Variants in EPPK1 observed in about 807,000 individuals in gnomAD.
The protein encoded by EPPK1 is epiplakin.
For missense variants in EPPK1, 3,823 were observed against 3,673.3 expected (o/e 1.04, Z -1.05); for synonymous variants, 1,862 against 1,721.2 (o/e 1.08, Z -2.03).
rs782770983 is a variant in EPPK1, at chr8:143,872,726, G to C, written c.528C>G (p.His176Gln). The change falls in exon 2 of 2, where the codon CAC becomes CAG. Residue 176 changes from histidine (H) to glutamine (Q), a missense_variant. Coordinates refer to ENST00000615648, the MANE Select transcript of EPPK1 (RefSeq NM_031308.4). ...GVLVAPEPAC[H>Q]QGLLDRETWH... The stretch of plus-strand genomic sequence containing the variant: ...ATGTCTCCCGGTCCAGGAGGCCCTG[G>C]TGGCAGGCTGGCTCAGGGGCCACGA... The C allele has an allele frequency of 9.4e-6, 15 of 1,593,636 alleles. No homozygotes were observed. Among genetic ancestry groups the C allele is most frequent in the Non-Finnish European group, 1.3e-5 (15 of 1,168,406 alleles).
Position 143,867,309 on chromosome 8 carries a change from G to A in EPPK1, c.5945C>T (p.Ala1982Val), listed in dbSNP as rs1554659408. The A allele has an allele frequency of 3.7e-6, 6 of 1,612,610 alleles. No individual in the cohort carries two copies. The highest frequency in any genetic ancestry group is 5.1e-6 in the Non-Finnish European group (6 of 1,179,750). ...ERAATGYRDP[A>V]TGDTIPLFQA... ...GAACAGCGGGATCGTGTCTCCTGTGGCCGGATCCCTGTAGCCCGTGGCAGC... is the reference window on the plus strand; with the variant it reads ...GAACAGCGGGATCGTGTCTCCTGTGACCGGATCCCTGTAGCCCGTGGCAGC... The change falls in exon 2 of 2, where the codon GCC (alanine) becomes GTC (valine). Residue 1982 changes from alanine to valine, a missense_variant. Transcript: ENST00000615648.
In EPPK1 at chr8:143,871,030, C is replaced by T. The variant is rs373803232; in HGVS notation, c.2224G>A (p.Val742Met). The change falls in exon 2 of 2, where the codon GTG becomes ATG. Residue 742 changes from valine to methionine, a missense_variant. Transcript: ENST00000615648. ...PVHSHRVPVD[V>M]AYRRGYFDQM... ...TCGAAGTAGCCGCGCCGGTAGGCCA[C>T]GTCCACGGGCACGCGGTGGCTGTGC... The T allele has an allele frequency of 2.7e-5, 43 of 1,613,048 alleles. 1 individual carries two copies. The African/African-American group carries it at 4.3e-4, about 16-fold the overall frequency.
chr8:143,876,188 G>C (rs1454210428), intron 1 of EPPK1, among the ~76,000 whole-genome samples: 1 of 152,190 alleles, frequency 6.6e-6, no homozygotes, highest in Non-Finnish European at 1.5e-5. Flanking sequence ...GCACCACAGG[G>C]GCAGACAGGG....
At position 143,869,664 on chromosome 8, in the gene EPPK1, G is replaced by A. The variant is rs782085554; in HGVS notation, c.3590C>T (p.Pro1197Leu). The change falls in exon 2 of 2, where the codon CCC becomes CTC. Residue 1197 changes from proline to leucine, a missense_variant. Coordinates refer to ENST00000615648, the MANE Select transcript of EPPK1 (RefSeq NM_031308.4). The part of the protein sequence containing the change: ...KLLAQARVMV[P>L]GPRGEVPAVW... ...AGCGGGTACCTCACCCCGTGGGCCGGGCACCATGACGCGGGCCTGGGCCAG... is the reference window on the plus strand; with the variant it reads ...AGCGGGTACCTCACCCCGTGGGCCGAGCACCATGACGCGGGCCTGGGCCAG... The A allele has an allele frequency of 1.3e-6, 2 of 1,596,484 alleles. No individual in the cohort carries two copies. The highest frequency in any genetic ancestry group is 3.5e-5 in the Admixed American group (2 of 57,568).
In EPPK1 at chr8:143,871,920, C is replaced by T; in HGVS notation, c.1334G>A (p.Gly445Asp). The change falls in exon 2 of 2, where the codon GGC becomes GAC. Residue 445 changes from glycine (G) to aspartate (D), a missense_variant. By Grantham distance (94) the Gly-to-Asp change is moderately conservative. Coordinates refer to ENST00000615648, the MANE Select transcript of EPPK1 (RefSeq NM_031308.4). ...AGSFSDGTHG[G>D]LRYEQLLALC... ...GGCCAGCAGCTGTTCATAGCGCAGG[C>T]CGCCGTGCGTGCCGTCTGAGAAGCT... is the stretch of plus-strand genomic sequence containing the variant. 1 of 1,605,470 alleles carries T rather than the reference C, an allele frequency of 6.2e-7. No homozygotes were observed.
rs1554660716 is a variant in EPPK1 at position 143,870,304 on chromosome 8, C to A, written c.2950G>T (p.Val984Leu). The A allele has an allele frequency of 6.3e-7, 1 of 1,578,244 alleles. No homozygotes were observed. The highest frequency in any genetic ancestry group is 8.6e-7 in the Non-Finnish European group (1 of 1,168,234). The change falls in exon 2 of 2, where the codon GTG (valine) becomes TTG (leucine). Residue 984 changes from valine to leucine, a missense_variant. Val to Leu is a conservative substitution (Grantham distance 32). Transcript: ENST00000615648. The surrounding 1 kb of genome is among the most constrained non-coding windows in gnomAD (Gnocchi z 5.2). ...MDPHSPESLSVDEAVRRGVVG... is the reference protein window; with the variant it reads ...MDPHSPESLSLDEAVRRGVVG... The stretch of plus-strand genomic sequence containing the variant: ...ACACCCCTGCGCACGGCCTCATCCA[C>A]CGAGAGGCTCTCTGGGCTGTGAGGG...
rs1563881121 is a variant in EPPK1 at position 143,867,863 on chromosome 8, C to T, written c.5391G>A (p.Trp1797Ter). The stretch of plus-strand genomic sequence containing the variant: ...TGAAGTATGGAGAGGACAGCAGGTC[C>T]CAGAAAGAGACCACCTGGTCAGCAA... ...GRFADQVVSF[W>*]DLLSSPYFTE... The change falls in exon 2 of 2, where the codon TGG (tryptophan) becomes TGA (stop). Residue 1797 changes from tryptophan (W) to a stop codon, truncating the protein, a stop_gained. Coordinates refer to ENST00000615648, the MANE Select transcript of EPPK1 (RefSeq NM_031308.4). LOFTEE classifies it low-confidence loss of function (END_TRUNC). The T allele has an allele frequency of 6.2e-7, 1 of 1,613,128 alleles. No individual in the cohort carries two copies. Among genetic ancestry groups the T allele is most frequent in the Non-Finnish European group, 8.5e-7 (1 of 1,179,572 alleles).
intron 1 of EPPK1, 34 bp downstream of exon 1, chr8:143,878,404 G>GCCCGCACCCGCCGCACCCGC (rs1457228950): frequency 5.9e-5 from 4 of 67,422 alleles, no homozygotes; most frequent in African/African-American, 2.4e-4. Context: ...GCCCGCACCC[G>GCCCGCACCCGCCGCACCCGC]CCGCACCCGC....
At position 143,878,395 on chromosome 8, in the gene EPPK1, C is replaced by CCGCACCCGCCGCACCCG. The variant is rs1554662602; in HGVS notation, c.-46+42_-46+43insCGGGTGCGGCGGGTGCG. ...CACCTGCCCGCACCCGCCGCACCTG[C>CCGCACCCGCCGCACCCG]CCGCACCCGCCGCACCCGCCGCACC... On this transcript the variant is annotated intron_variant, in intron 1 of 1. Coordinates refer to ENST00000615648, the MANE Select transcript of EPPK1 (RefSeq NM_031308.4). The CCGCACCCGCCGCACCCG allele has an allele frequency of 7.2e-5, 6 of 82,876 alleles. 1 individual carries two copies. Among genetic ancestry groups the CCGCACCCGCCGCACCCG allele is most frequent in the African/African-American group, 4.0e-4 (6 of 14,880 alleles). 5.1% of individuals were successfully genotyped at this position (82,876 alleles called of 1,614,324 possible).
At position 143,868,505 on chromosome 8, in the gene EPPK1, C is replaced by T. The variant is rs782266342; in HGVS notation, c.4749G>A (p.Glu1583=). 1.6e-5 allele frequency: 26 copies of T among 1,609,896 alleles called. No homozygotes were observed. The highest frequency in any genetic ancestry group is 2.1e-5 in the Non-Finnish European group (25 of 1,178,776). The stretch of plus-strand genomic sequence containing the variant: ...TCAGGGCCTCTGGGATGCTCATCCT[C>T]TCCTGGGTGCCCTGGATAAGGACCC... The part of the protein sequence containing the change: ...IAGVLIQGTQ[E]RMSIPEALRR... The change falls in exon 2 of 2, where the codon GAG becomes GAA. Residue 1583 remains glutamate (E), a synonymous_variant. Transcript: ENST00000615648.
rs71520550 is a variant in EPPK1 at position 143,858,049 on chromosome 8, G to A, written c.15205C>T (p.Leu5069=). Reference sequence around the variant, plus strand: ...TCAGGGTCCAGGGTGGCCCTCTGCAGAAGCTGCAGGTACGTGAGGTTCTCG... The same window carrying A: ...TCAGGGTCCAGGGTGGCCCTCTGCAAAAGCTGCAGGTACGTGAGGTTCTCG... ...THENLTYLQL[L]QRATLDPETG... is the part of the protein sequence containing the mutation. Residue 5069 remains leucine, a synonymous_variant, in exon 2 of 2, where the codon CTG becomes TTG. Coordinates refer to ENST00000615648, the MANE Select transcript of EPPK1 (RefSeq NM_031308.4). 3 of 1,613,342 alleles carry A rather than the reference G, an allele frequency of 1.9e-6. No individual in the cohort carries two copies. Among genetic ancestry groups the A allele is most frequent in the South Asian group, 1.1e-5 (1 of 91,086 alleles).
chr8:143,868,259 C>T lies in EPPK1; in HGVS notation c.4995G>A (p.Gln1665=), dbSNP rs782116972. The T allele has an allele frequency of 1.4e-5, 22 of 1,613,148 alleles. No individual in the cohort carries two copies. The highest frequency in any genetic ancestry group is 2.2e-5 in the East Asian group (1 of 44,896). ...PYTGQQISLF[Q]AMQKDLIVRE... ...GGACGATGAGGTCCTTCTGCATGGC[C>T]TGGAAGAGGGAGATCTGCTGCCCGG... Residue 1665 remains glutamine (Q), a synonymous_variant, in exon 2 of 2, where the codon CAG becomes CAA. Transcript: ENST00000615648.
chr8:143,857,967 A>C lies in EPPK1; in HGVS notation c.*20T>G, dbSNP rs968090060. 1 of 1,511,594 alleles carries C rather than the reference A, an allele frequency of 6.6e-7. No homozygotes were observed. The highest frequency in any genetic ancestry group is 1.4e-5 in the African/African-American group (1 of 71,668). 93.6% of individuals were successfully genotyped at this position (1,511,594 alleles called of 1,614,324 possible). A position where few individuals can be genotyped will look rare whatever the true frequency, so the allele number is the denominator to read the frequency against. On this transcript the variant is annotated 3_prime_UTR_variant, in exon 2 of 2. Transcript: ENST00000615648. ...CTCCACTTCTCCAGAGTTGCAGAAA[A>C]CTGCACGGAGGAAGCCCAGTCACTG...
upstream of EPPK1, chr8:143,878,614 C>G (rs536765386): frequency 1.3e-5 from 2 of 151,516 alleles, no homozygotes; most frequent in Non-Finnish European, 2.9e-5. Context: ...GCTTGCACCC[C>G]GGGCAAGGGG....
chr8:143,857,896 CAAAAAAAAAAA>C lies in EPPK1; in HGVS notation c.*80_*90del, dbSNP rs35186960. 4 of 437,920 alleles carry C rather than the reference CAAAAAAAAAAA, an allele frequency of 9.1e-6. No individual in the cohort carries two copies. Among genetic ancestry groups the C allele is most frequent in the Admixed American group, 6.7e-5 (1 of 14,950 alleles). The allele number at this position is 437,920 out of a possible 1,614,324, so 27.1% of individuals were successfully genotyped here. On this transcript the variant is annotated 3_prime_UTR_variant, in exon 2 of 2. Coordinates refer to ENST00000615648, the MANE Select transcript of EPPK1 (RefSeq NM_031308.4). ...GTAAAACAACAAAATTAAAGAATGA[CAAAAAAAAAAA>C]AAAAAAAAAAAACAACCCAGACACA... is the stretch of plus-strand genomic sequence containing the variant.
In EPPK1 at chr8:143,871,469, ATCCTT is replaced by A; in HGVS notation, c.1780_1784del (p.Lys594CysfsTer33). 2 of 1,608,764 alleles carry A rather than the reference ATCCTT, an allele frequency of 1.2e-6. No individual in the cohort carries two copies. Among genetic ancestry groups the A allele is most frequent in the Non-Finnish European group, 1.7e-6 (2 of 1,178,538 alleles). ...TCTGCACCGAGGCCAGGCTGCCCAC[ATCCTT>A]GGCTGTGGCCTGTCCATGCTCCAGC... On this transcript the variant is annotated frameshift_variant, in exon 2 of 2. Transcript: ENST00000615648. LOFTEE classifies it low-confidence loss of function (END_TRUNC).
In EPPK1 at chr8:143,878,455, GGT is replaced by G. The variant is rs1819533865; in HGVS notation, c.-65_-64del. 1 of 107,716 alleles carries G rather than the reference GGT, an allele frequency of 9.3e-6. No homozygotes were observed. Among genetic ancestry groups the G allele is most frequent in the South Asian group, 2.1e-4 (1 of 4,786 alleles). 6.7% of individuals were successfully genotyped at this position (107,716 alleles called of 1,614,324 possible). On this transcript the variant is annotated 5_prime_UTR_variant, in exon 1 of 2. Transcript: ENST00000615648. ...CGCCGCACCTGCCCGCTCGCCGCTC[GGT>G]CCGCAGTGTCTCCGCGCGCCCGCTC...
Position 143,867,986 on chromosome 8 carries a change from C to G in EPPK1, c.5268G>C (p.Leu1756=), listed in dbSNP as rs376436886. The stretch of plus-strand genomic sequence containing the variant: ...TTTCTCCTTTCTTTATGATTTGTAG[C>G]AGGTACAGGCCCGTCTCGGGGTCCT... ...CVEDPETGLY[L]LQIIKKGENY... is the part of the protein sequence containing the mutation. Residue 1756 remains leucine, a synonymous_variant, in exon 2 of 2, where the codon CTG becomes CTC. Coordinates refer to ENST00000615648, the MANE Select transcript of EPPK1 (RefSeq NM_031308.4). The G allele has an allele frequency of 1.2e-5, 20 of 1,613,532 alleles. No homozygotes were observed. In the African/African-American group the frequency reaches 2.0e-4, roughly 16 times the overall value.
rs1819397027 is a variant in EPPK1, at chr8:143,872,734, C to T, written c.520G>A (p.Ala174Thr). ...CGGTCCAGGAGGCCCTGGTGGCAGG[C>T]TGGCTCAGGGGCCACGAGCACTCCC... is the stretch of plus-strand genomic sequence containing the variant. ...AQGVLVAPEP[A>T]CHQGLLDRET... Residue 174 changes from alanine to threonine, a missense_variant, in exon 2 of 2, where the codon GCC becomes ACC. Coordinates refer to ENST00000615648, the MANE Select transcript of EPPK1 (RefSeq NM_031308.4). 3 of 1,594,272 alleles carry T rather than the reference C, an allele frequency of 1.9e-6. No individual in the cohort carries two copies. The highest frequency in any genetic ancestry group is 2.6e-6 in the Non-Finnish European group (3 of 1,168,522).
Sources: allele counts gnomAD v4.1 joint callset (sites outside exome capture counted in the v4.1 genomes callset), GRCh38; gene constraint gnomAD v4.1.1; non-coding constraint Gnocchi (gnomAD v3.1); transcripts MANE v1.5; gene names NCBI Gene and HGNC (gene_info 2026-07-23, HGNC 2026-07-21).